The following TIAL1 variants were observed in gnomAD, a reference collection of about 807,000 sequenced individuals.
The protein encoded by TIAL1 is nucleolysin TIAR.
Under a neutral mutation model 59.7 loss-of-function variants are expected in TIAL1, and 7 were observed. The observed-to-expected ratio is 0.12, with a 90% CI of 0.07 to 0.22. The LOEUF (loss-of-function observed/expected upper bound fraction) is 0.22, where lower values mean the gene tolerates loss of function less well. Ranked by LOEUF, TIAL1 falls within the 10% of genes least tolerant of loss-of-function variation. The pLI, the probability that TIAL1 is intolerant of heterozygous loss-of-function variation, is 1.00. For synonymous variants in TIAL1, 149 were observed against 146.3 expected, an observed-to-expected ratio of 1.02 and a Z score of -0.13; for missense variants, 225 against 462.5, an observed-to-expected ratio of 0.49 and a Z score of 4.71.
At chr10:119,577,043 T>C (rs1451573531) in intron 10 of TIAL1, 37 bp downstream of exon 10, 32 of 1,608,522 alleles carry the variant, frequency 2.0e-5, no homozygotes, top group Non-Finnish European at 2.6e-5. Flanking sequence ...ACATGTAAGA[T>C]GGAAACCTTA....
intron 1 of TIAL1, chr10:119,593,646 A>G: frequency 4.5e-6 from 1 of 224,210 alleles, no homozygotes; most frequent in South Asian, 1.6e-4. Flanking sequence ...CACAATGTAA[A>G]ATATAAGATC....
intron 5 of TIAL1, among the ~76,000 whole-genome samples, chr10:119,581,528 A>G (rs1233780729): frequency 1.3e-5 from 2 of 152,112 alleles, no homozygotes; most frequent in African/African-American, 4.8e-5. Flanking sequence ...TCCTCCTATA[A>G]AAGTTATTGA....
rs1554862552 is a variant in TIAL1, at chr10:119,574,604, A to AAC, written c.*1060_*1061insGT. On this transcript the variant is annotated 3_prime_UTR_variant, in exon 12 of 12. Coordinates refer to ENST00000436547, the MANE Select transcript of TIAL1 (RefSeq NM_003252.4). ...TGTAAAGCAAAAAAAAAAAAAAAAA[A>AAC]AAACAAAAACAAAAAACTAATTCCC... The AAC allele has an allele frequency of 4.7e-5, 7 of 149,102 alleles. No homozygotes were observed. Among genetic ancestry groups the AAC allele is most frequent in the African/African-American group, 1.7e-4 (7 of 40,678 alleles). The allele number at this position is 149,102 out of a possible 1,614,324, so 9.2% of individuals were successfully genotyped here. A position where few individuals can be genotyped will look rare whatever the true frequency, so the allele number is the denominator to read the frequency against.
Position 119,577,238 on chromosome 10 carries a change from T to C in TIAL1, c.738-35A>G, listed in dbSNP as rs115797939. On this transcript the variant is annotated intron_variant, in intron 9 of 11. Transcript: ENST00000436547. ...AAAAATGATATGGTTTTGTCTTTTA[T>C]TTTTTAAGAACCTAACACAATAAAT... 2,027 of 1,575,906 alleles carry C rather than the reference T, an allele frequency of 1.3e-3. 21 individuals are homozygous for C. In the African/African-American group the frequency reaches 0.025, roughly 20 times the overall value.
chr10:119,584,241 C>A (rs192600835), intron 2 of TIAL1, among the ~76,000 whole-genome samples: 4 of 152,236 alleles, frequency 2.6e-5, no homozygotes, highest in African/African-American at 7.2e-5. Context: ...CACTGCATAT[C>A]ATCTAATTTA....
In TIAL1 at chr10:119,573,597, C is replaced by T. The variant is rs1172008471; in HGVS notation, c.*2068G>A. On this transcript the variant is annotated 3_prime_UTR_variant, in exon 12 of 12. Transcript: ENST00000436547. ...TAATTTACTGGCAGACCAAAACAGG[C>T]ATACTAAGCATTTTTATCAATTAAA... 1 of 152,482 alleles carries T rather than the reference C, an allele frequency of 6.6e-6. No homozygotes were observed. The highest frequency in any genetic ancestry group is 1.5e-5 in the Non-Finnish European group (1 of 68,014). The allele number at this position is 152,482 out of a possible 1,614,324, so 9.4% of individuals were successfully genotyped here.
At chr10:119,577,317 A>G in intron 9 of TIAL1, 114 bp from the exon 10 acceptor site, 1 of 1,448,928 alleles carries the variant, frequency 6.9e-7, no homozygotes, top group Non-Finnish European at 9.2e-7. Context: ...TTTCTAAAGT[A>G]CATTAGGTAG....
At position 119,576,736 on chromosome 10, in the gene TIAL1, T is replaced by C. The variant is rs12356865; in HGVS notation, c.876A>G (p.Gln292=). 79,410 of 1,613,678 alleles carry C rather than the reference T, an allele frequency of 0.049. 2,053 individuals are homozygous for C. The highest frequency in any genetic ancestry group is 0.082 in the Middle Eastern group (497 of 6,062). Residue 292 remains glutamine (Q), a synonymous_variant, in exon 11 of 12, where the codon CAA becomes CAG. Transcript: ENST00000436547. ...CATACACTTGGCTCCATTGGCCCCA[T>C]TGACTATAGTCAACCTAGGAAAAAG... is the stretch of plus-strand genomic sequence containing the variant. ...TKNFQQVDYS[Q]WGQWSQVYGN...
At chr10:119,581,583 A>T (rs1845307783) in intron 5 of TIAL1, 1 of 196,568 alleles carries the variant, frequency 5.1e-6, no homozygotes, top group Non-Finnish European at 1.1e-5. Context: ...TTAACTCATT[A>T]TCCTAAACCA....
Position 119,573,920 on chromosome 10 carries a change from G to A in TIAL1, c.*1745C>T, listed in dbSNP as rs764022194. On this transcript the variant is annotated 3_prime_UTR_variant, in exon 12 of 12. Coordinates refer to ENST00000436547, the MANE Select transcript of TIAL1 (RefSeq NM_003252.4). ...GCTATATTGCTAAGTGGGAAAAGGA[G>A]GAAAGTAATACCAAAATTATTGTGA... The A allele has an allele frequency of 1.3e-5, 2 of 152,182 alleles. No homozygotes were observed. Among genetic ancestry groups the A allele is most frequent in the Non-Finnish European group, 2.9e-5 (2 of 68,020 alleles). 9.4% of individuals were successfully genotyped at this position (152,182 alleles called of 1,614,324 possible).
At position 119,575,285 on chromosome 10, in the gene TIAL1, T is replaced by A. The variant is rs1844929581; in HGVS notation, c.*380A>T. On this transcript the variant is annotated 3_prime_UTR_variant, in exon 12 of 12. Transcript: ENST00000436547. ...TGTGATTCCCAGGTTTTCACGATCC[T>A]CCCTTTTTTGCTCTTTTAAAAACAC... 5.7e-6 allele frequency: 1 copy of A among 175,774 alleles called. No individual in the cohort carries two copies. Among genetic ancestry groups the A allele is most frequent in the East Asian group, 1.8e-4 (1 of 5,570 alleles). 10.9% of individuals were successfully genotyped at this position (175,774 alleles called of 1,614,324 possible).
rs1589856228 is a variant in TIAL1, at chr10:119,574,569, T to C, written c.*1096A>G. On this transcript the variant is annotated 3_prime_UTR_variant, in exon 12 of 12. Transcript: ENST00000436547. ...CAAGGTTTTAATCAAGGTATTTACATACCAAGTAATGTAAAGCAAAAAAAA... is the reference window on the plus strand; with the variant it reads ...CAAGGTTTTAATCAAGGTATTTACACACCAAGTAATGTAAAGCAAAAAAAA... 1 of 64,340 alleles carries C rather than the reference T, an allele frequency of 1.6e-5. No homozygotes were observed. Among genetic ancestry groups the C allele is most frequent in the Admixed American group, 2.4e-4 (1 of 4,170 alleles). The allele number at this position is 64,340 out of a possible 1,614,324, so 4.0% of individuals were successfully genotyped here.
At chr10:119,581,003 C>T (rs577986478) in intron 5 of TIAL1, among the ~76,000 whole-genome samples, 3 of 151,752 alleles carry the variant, frequency 2.0e-5, no homozygotes, top group Non-Finnish European at 4.4e-5. Context: ...GATTAAAAAG[C>T]AAAGCAAATA....
At chr10:119,593,472 T>C in intron 1 of TIAL1, 1 of 985,814 alleles carries the variant, frequency 1.0e-6, no homozygotes, top group Non-Finnish European at 1.2e-6. Flanking sequence ...AACACCATAT[T>C]GTTTTCTGAA....
At chr10:119,595,976 C>T (rs1460400936) in intron 1 of TIAL1, among the ~76,000 whole-genome samples, 1 of 151,986 alleles carries the variant, frequency 6.6e-6, no homozygotes, top group African/African-American at 2.4e-5. Flanking sequence ...GCGACTCGAG[C>T]TGAGGACGTG....
chr10:119,596,509 G>C lies in TIAL1; in HGVS notation c.-44C>G, dbSNP rs768427732. ...ATCCCGGGACAAGGGGGAGGGCAGG[G>C]TTGGGGAGGGGAGGGGGTGGGGAGG... On this transcript the variant is annotated 5_prime_UTR_variant, in exon 1 of 12. Coordinates refer to ENST00000436547, the MANE Select transcript of TIAL1 (RefSeq NM_003252.4). 1.1e-6 allele frequency: 1 copy of C among 881,802 alleles called. No homozygotes were observed. Among genetic ancestry groups the C allele is most frequent in the East Asian group, 2.9e-5 (1 of 34,640 alleles). The allele number at this position is 881,802 out of a possible 1,614,324, so 54.6% of individuals were successfully genotyped here. A position where few individuals can be genotyped will look rare whatever the true frequency, so the allele number is the denominator to read the frequency against.
In TIAL1 at chr10:119,596,054, C is replaced by G. The variant is rs1449673762; in HGVS notation, c.32+380G>C. On this transcript the variant is annotated intron_variant, in intron 1 of 11. Coordinates refer to ENST00000436547, the MANE Select transcript of TIAL1 (RefSeq NM_003252.4). ...CCCGGGCCCACCCCCAATCCTACCCCCGCCAGGCCCTTCCCCCGTGGGCGC... is the reference window on the plus strand; with the variant it reads ...CCCGGGCCCACCCCCAATCCTACCCGCGCCAGGCCCTTCCCCCGTGGGCGC... Among the ~76,000 whole-genome samples, 4 of 152,096 alleles carry G rather than the reference C, an allele frequency of 2.6e-5. No homozygotes were observed. In the East Asian group the frequency reaches 7.8e-4, roughly 30 times the overall value.
chr10:119,595,764 CAA>C (rs1846142521), intron 1 of TIAL1, among the ~76,000 whole-genome samples: 1 of 152,148 alleles, frequency 6.6e-6, no homozygotes, highest in Non-Finnish European at 1.5e-5. Flanking sequence ...AGGGAGCGCT[CAA>C]AGTAAACTTC....
rs761755843 is a variant in TIAL1 at position 119,575,736 on chromosome 10, G to C, written c.1057C>G (p.Gln353Glu). 4 of 1,608,338 alleles carry C rather than the reference G, an allele frequency of 2.5e-6. 1 individual carries two copies. The South Asian group carries it at 4.4e-5, about 18-fold the overall frequency. The change falls in exon 12 of 12, where the codon CAA becomes GAA. Residue 353 changes from glutamine (Q) to glutamate (E), a missense_variant. Gln to Glu is a conservative substitution (Grantham distance 29). Transcript: ENST00000436547. ...GGAGGTATTACAGGGGGAGGAGCTT[G>C]TCCTTGGGGAGGCTGAGCACCAAAT... ...GGFGAQPPQG[Q>E]APPPVIPPPN... is the part of the protein sequence containing the mutation.
Sources: allele counts gnomAD v4.1 joint callset (sites outside exome capture counted in the v4.1 genomes callset), GRCh38; gene constraint gnomAD v4.1.1; transcripts MANE v1.5; gene names NCBI Gene and HGNC (gene_info 2026-07-23, HGNC 2026-07-21).